Variants in IQSEC1 observed in about 807,000 individuals in gnomAD.
IQSEC1 encodes the protein IQ motif and SEC7 domain-containing protein 1.
Under a neutral mutation model 91.0 loss-of-function variants are expected in IQSEC1, and 31 were observed. The observed-to-expected ratio is 0.34, with a 90% CI of 0.26 to 0.46. The LOEUF is 0.46. Among genes scored for constraint, IQSEC1 ranks in the 20% least tolerant of loss-of-function variants. The probability of loss-of-function intolerance (pLI) is 1.00; values close to 1 mark genes in which losing one functional copy is unlikely to be tolerated. For synonymous variants in IQSEC1, 699 were observed against 662.6 expected (o/e 1.05, Z -0.84); for missense variants, 1,388 against 1,575.6 (o/e 0.88, Z 2.02).
At chr3:13,166,882 C>G (rs1420763659) in intron 1 of IQSEC1, among the ~76,000 whole-genome samples, 2 of 152,226 alleles carry the variant, frequency 1.3e-5, no homozygotes, top group African/African-American at 4.8e-5. Context: ...TCTTTTACAC[C>G]AAGGATGGCA....
Position 13,207,164 on chromosome 3 carries a change from C to T in IQSEC1, c.273-43031G>A, listed in dbSNP as rs1222903349. Among the ~76,000 whole-genome samples, 1 of 152,128 alleles carries T rather than the reference C, an allele frequency of 6.6e-6. No homozygotes were observed. Among genetic ancestry groups the T allele is most frequent in the African/African-American group, 2.4e-5 (1 of 41,410 alleles). On this transcript the variant is annotated intron_variant, in intron 1 of 15. Coordinates refer to the IQSEC1 transcript ENST00000648114. This position sits in a 1 kb window ranked among gnomAD's most constrained non-coding sequence, Gnocchi z 4.8. ...CTTGTGCCCTCACCACCCACCTATC[C>T]TTGTCACCTGATGTCTAACAAGCGT...
chr3:13,159,528 A>G (rs1305071893), intron 2 of IQSEC1, among the ~76,000 whole-genome samples: 1 of 152,224 alleles, frequency 6.6e-6, no homozygotes, highest in African/African-American at 2.4e-5. Flanking sequence ...ACCACAGGCG[A>G]CACTGACTTG....
At chr3:13,156,780 C>A (rs1177481159) in intron 2 of IQSEC1, among the ~76,000 whole-genome samples, 1 of 152,156 alleles carries the variant, frequency 6.6e-6, no homozygotes, top group Non-Finnish European at 1.5e-5. Context: ...GAGCTGACAT[C>A]TGAAGGGGGA....
Position 13,103,170 on chromosome 3 carries a change from C to G in IQSEC1, c.303-55648G>C, listed in dbSNP as rs1706093158. On this transcript the variant is annotated intron_variant, in intron 2 of 15. Coordinates refer to the IQSEC1 transcript ENST00000648114. The surrounding 1 kb of genome is among the most constrained non-coding windows in gnomAD (Gnocchi z 4.1). The stretch of plus-strand genomic sequence containing the variant: ...TGTCCCCGGCTGGCCCCAGGCAGGT[C>G]AGTTCAGGGAAGGGGCCTGCATCGA... Among the ~76,000 whole-genome samples the G allele has an allele frequency of 1.3e-5, 2 of 152,108 alleles. No homozygotes were observed. Among genetic ancestry groups the G allele is most frequent in the African/African-American group, 2.4e-5 (1 of 41,444 alleles).
intron 6 of IQSEC1, among the ~76,000 whole-genome samples, chr3:12,916,563 C>T (rs1463239147): frequency 2.6e-5 from 4 of 152,240 alleles, no homozygotes; most frequent in Non-Finnish European, 5.9e-5. Flanking sequence ...GGACCTCCCA[C>T]AGATGGCTGG....
chr3:13,263,439 G>GGGGGAA lies in IQSEC1; in HGVS notation c.272+19271_272+19272insTTCCCC, dbSNP rs1553581065. Among the ~76,000 whole-genome samples, 761 of 107,158 alleles carry GGGGGAA rather than the reference G, an allele frequency of 7.1e-3. 27 individuals are homozygous for GGGGGAA. The highest frequency in any genetic ancestry group is 0.011 in the Middle Eastern group (2 of 176). The allele number at this position is 107,158 out of a possible 152,430, so 70.3% of individuals were successfully genotyped here. On this transcript the variant is annotated intron_variant, in intron 1 of 15. Transcript: ENST00000648114. ...ACACTTTTTTTTTTGGGGGGGGGGG[G>GGGGGAA]AAAGTACCTGACACTTTTTTTTTTT...
At chr3:13,100,826 G>GA (rs1706045078) in intron 2 of IQSEC1, among the ~76,000 whole-genome samples, 1 of 148,940 alleles carries the variant, frequency 6.7e-6, no homozygotes, top group African/African-American at 2.5e-5. Flanking sequence ...CAGCGTCGGG[G>GA]GGACCGACAG....
At chr3:12,956,663 C>A (rs979368533) in intron 1 of IQSEC1, among the ~76,000 whole-genome samples, 15 of 152,246 alleles carry the variant, frequency 9.9e-5, no homozygotes, top group Admixed American at 2.0e-4. Flanking sequence ...GCTGTTCCCA[C>A]CCTCGGCAGC....
intron 1 of IQSEC1, among the ~76,000 whole-genome samples, chr3:12,962,383 A>C (rs1700296710): frequency 6.6e-6 from 1 of 151,756 alleles, no homozygotes; most frequent in African/African-American, 2.4e-5. Flanking sequence ...ATCAGGGAGA[A>C]AGTATTCATG....
chr3:12,943,706 C>T (rs1250303610), intron 1 of IQSEC1, among the ~76,000 whole-genome samples: 2 of 152,250 alleles, frequency 1.3e-5, no homozygotes, highest in South Asian at 2.1e-4. Context: ...CCTCACGAGG[C>T]CTGCAGGACC....
intron 1 of IQSEC1, among the ~76,000 whole-genome samples, chr3:13,255,749 T>C (rs1015172386): frequency 4.6e-5 from 7 of 152,046 alleles, no homozygotes; most frequent in African/African-American, 1.4e-4. Context: ...CCTGAGTAGC[T>C]AGAAATACAG....
chr3:12,936,936 CTTT>C (rs1163135062), intron 2 of IQSEC1, among the ~76,000 whole-genome samples: 1 of 144,242 alleles, frequency 6.9e-6, no homozygotes, highest in Non-Finnish European at 1.5e-5. Context: ...TCTCAGACCT[CTTT>C]TTTTTTTTTT....
In IQSEC1 at chr3:13,225,355, G is replaced by GCATT. The variant is rs1694733561; in HGVS notation, c.272+57355_272+57356insAATG. Among the ~76,000 whole-genome samples the GCATT allele has an allele frequency of 3.3e-5, 5 of 152,338 alleles. No homozygotes were observed. In the South Asian group the frequency reaches 8.3e-4, roughly 25 times the overall value. On this transcript the variant is annotated intron_variant, in intron 1 of 15. Transcript: ENST00000648114. ...AATGTGTGTTTAATGCACCAAAGAT[G>GCATT]GAACAGTGTTTTACCAGAAGCCACT...
chr3:13,022,111 G>A, intron 1 of IQSEC1: 1 of 1,231,860 alleles, frequency 8.1e-7, no homozygotes, highest in Non-Finnish European at 1.0e-6. Context: ...GCCTGGCTCG[G>A]TGGAGGAGCG....
At chr3:13,093,037 C>T (rs1316277867) in intron 2 of IQSEC1, among the ~76,000 whole-genome samples, 1 of 152,060 alleles carries the variant, frequency 6.6e-6, no homozygotes, top group African/African-American at 2.4e-5. Flanking sequence ...GTTGTGTCTT[C>T]TTGGCAACAT....
chr3:12,997,969 A>G (rs1702283105), intron 1 of IQSEC1, among the ~76,000 whole-genome samples: 1 of 152,260 alleles, frequency 6.6e-6, no homozygotes, highest in Non-Finnish European at 1.5e-5. Flanking sequence ...CTTGTTCCTT[A>G]AAGTCCACCA....
Position 12,989,891 on chromosome 3 carries a change from C to T in IQSEC1, c.24-48026G>A, listed in dbSNP as rs558135594. ...GACTTGTCCAGAGCAACAAAGAGTC[C>T]GGCTCTCTGACCTAAAGGCCTCCTA... On this transcript the variant is annotated intron_variant, in intron 1 of 13. Transcript: ENST00000613206. Among the ~76,000 whole-genome samples, 32 of 152,274 alleles carry T rather than the reference C, an allele frequency of 2.1e-4. 1 individual carries two copies. The highest frequency in any genetic ancestry group is 7.0e-4 in the African/African-American group (29 of 41,542).
intron 1 of IQSEC1, among the ~76,000 whole-genome samples, chr3:13,267,257 C>T (rs529232929): frequency 7.0e-4 from 106 of 152,358 alleles, no homozygotes; most frequent in African/African-American, 2.5e-3. Flanking sequence ...AACCTGCTGG[C>T]ACCTTGACCT....
chr3:13,259,566 T>C lies in IQSEC1; in HGVS notation c.272+23145A>G, dbSNP rs983266141. Among the ~76,000 whole-genome samples the C allele has an allele frequency of 3.3e-5, 5 of 152,212 alleles. No individual in the cohort carries two copies. The highest frequency in any genetic ancestry group is 1.2e-4 in the African/African-American group (5 of 41,448). Reference sequence around the variant, plus strand: ...CTTCGAGGCGGGCTGATGGATGCAGTGTTTAAGCCATAACTGTTTTCACTA... The same window carrying C: ...CTTCGAGGCGGGCTGATGGATGCAGCGTTTAAGCCATAACTGTTTTCACTA... On this transcript the variant is annotated intron_variant, in intron 1 of 15. Transcript: ENST00000648114. The surrounding 1 kb of genome is among the most constrained non-coding windows in gnomAD (Gnocchi z 4.6).
Sources: allele counts gnomAD v4.1 joint callset (sites outside exome capture counted in the v4.1 genomes callset), GRCh38; gene constraint gnomAD v4.1.1; non-coding constraint Gnocchi (gnomAD v3.1); transcripts MANE v1.5; gene names NCBI Gene and HGNC (gene_info 2026-07-23, HGNC 2026-07-21).